TPO: variants seen among roughly 807,000 people sequenced by gnomAD.
TPO encodes thyroid peroxidase.
Under a neutral mutation model 96.9 loss-of-function variants are expected in TPO, and 78 were observed. The ratio of observed to expected loss-of-function variants is 0.81; its 90% CI spans 0.67 to 0.97. The LOEUF is 0.97. Among genes scored for constraint, TPO ranks in the 50% least tolerant of loss-of-function variants. The pLI, the probability that TPO is intolerant of heterozygous loss-of-function variation, is 0.00. For missense variants in TPO, 1,252 were observed against 1,274.8 expected, an observed-to-expected ratio of 0.98 and a Z score of 0.27; for synonymous variants, 547 against 538.0, an observed-to-expected ratio of 1.02 and a Z score of -0.23.
chr2:1,438,792 T>C (rs1558286197), intron 5 of TPO: 2 of 700,686 alleles, frequency 2.9e-6, no homozygotes, highest in Admixed American at 4.4e-5. Context: ...TTTTTTTTTT[T>C]TTTTGCAAAT....
intron 14 of TPO, among the ~76,000 whole-genome samples, chr2:1,516,122 A>G (rs921871590): frequency 2.6e-5 from 4 of 152,130 alleles, no homozygotes; most frequent in Non-Finnish European, 5.9e-5. Context: ...GCCGTTACTC[A>G]GTCCCCGGCT....
At chr2:1,532,216 C>A (rs1235247275) in intron 15 of TPO, among the ~76,000 whole-genome samples, 2 of 76,020 alleles carry the variant, frequency 2.6e-5, no homozygotes, top group African/African-American at 9.7e-5. Flanking sequence ...CTGTGAGCAA[C>A]CTCCTCAAAT....
In TPO at chr2:1,477,278, A is replaced by T; in HGVS notation, c.1012A>T (p.Arg338Trp). ...TVYGSSPALERQLRNWTSAEG... is the reference protein window; with the variant it reads ...TVYGSSPALEWQLRNWTSAEG... Reference sequence around the variant, plus strand: ...GTATGGCAGCTCCCCGGCCCTAGAGAGGCAGCTGCGGAACTGGACCAGTGC... The same window carrying T: ...GTATGGCAGCTCCCCGGCCCTAGAGTGGCAGCTGCGGAACTGGACCAGTGC... Residue 338 changes from arginine (R) to tryptophan (W), a missense_variant, in exon 8 of 17, where the codon AGG (arginine) becomes TGG (tryptophan). Coordinates refer to ENST00000329066, the MANE Select transcript of TPO (RefSeq NM_001206744.2). 6.3e-7 allele frequency: 1 copy of T among 1,599,270 alleles called. No homozygotes were observed. Among genetic ancestry groups the T allele is most frequent in the Non-Finnish European group, 8.5e-7 (1 of 1,174,446 alleles).
intron 14 of TPO, among the ~76,000 whole-genome samples, chr2:1,509,351 C>T (rs1404619752): frequency 2.0e-5 from 3 of 151,898 alleles, no homozygotes; most frequent in African/African-American, 4.8e-5. Flanking sequence ...ACCACACCCT[C>T]TTGTATCGGG....
At chr2:1,458,888 T>A (rs1460591131) in intron 7 of TPO, among the ~76,000 whole-genome samples, 1 of 152,190 alleles carries the variant, frequency 6.6e-6, no homozygotes, top group African/African-American at 2.4e-5. Flanking sequence ...TCTGCTTCAT[T>A]GCTGTTTTTA....
Position 1,477,611 on chromosome 2 carries a change from G to A in TPO, c.1338+7G>A, listed in dbSNP as rs769501358. The A allele has an allele frequency of 2.8e-5, 42 of 1,510,180 alleles. No homozygotes were observed. The highest frequency in any genetic ancestry group is 3.4e-5 in the Non-Finnish European group (39 of 1,135,382). 93.5% of individuals were successfully genotyped at this position (1,510,180 alleles called of 1,614,324 possible). ...CGTGGGCGCTCTGCACCAGGTGCGCGGGGTGGTCCTGGGCGCCCTGGGTGG... is the reference window on the plus strand; with the variant it reads ...CGTGGGCGCTCTGCACCAGGTGCGCAGGGTGGTCCTGGGCGCCCTGGGTGG... On this transcript the variant is annotated splice_region_variant and intron_variant, in intron 8 of 16. Transcript: ENST00000329066.
chr2:1,459,866 C>T (rs1211439534), intron 7 of TPO, among the ~76,000 whole-genome samples: 1 of 152,110 alleles, frequency 6.6e-6, no homozygotes, highest in Non-Finnish European at 1.5e-5. Flanking sequence ...CCTTGCTCTT[C>T]TCTGCAGAGC....
intron 15 of TPO, among the ~76,000 whole-genome samples, chr2:1,523,186 C>A (rs1675565685): frequency 2.5e-5 from 3 of 119,124 alleles, no homozygotes; most frequent in Non-Finnish European, 5.2e-5. Context: ...CTCCTCAAAT[C>A]CCCCCAACTG....
chr2:1,438,804 C>T (rs1469951518), intron 5 of TPO: 4 of 697,752 alleles, frequency 5.7e-6, no homozygotes, highest in East Asian at 2.7e-5. Context: ...TTTGCAAATG[C>T]CTGGATTAAA....
chr2:1,432,075 G>A (rs994303496), intron 3 of TPO, among the ~76,000 whole-genome samples: 6 of 152,250 alleles, frequency 3.9e-5, no homozygotes, highest in African/African-American at 7.2e-5. Context: ...GAGAGGCCCC[G>A]CCCTGCAGGC....
intron 7 of TPO, among the ~76,000 whole-genome samples, chr2:1,459,074 A>G (rs1668151917): frequency 6.6e-6 from 1 of 152,160 alleles, no homozygotes; most frequent in Non-Finnish European, 1.5e-5. Context: ...CACTCTTACC[A>G]GAAAAGAAAG....
intron 14 of TPO, among the ~76,000 whole-genome samples, chr2:1,505,492 G>A: frequency 3.5e-5 from 1 of 28,890 alleles, no homozygotes; most frequent in African/African-American, 2.0e-4. Context: ...CCCACCCCGT[G>A]TCAGGCACAC....
chr2:1,495,810 C>T (rs568846253), intron 11 of TPO, among the ~76,000 whole-genome samples, 179 bp from the exon 12 acceptor site: 23 of 152,246 alleles, frequency 1.5e-4, no homozygotes, highest in African/African-American at 5.1e-4. Context: ...TCTGGGCAGA[C>T]GCCACAGGGT....
intron 5 of TPO, among the ~76,000 whole-genome samples, chr2:1,445,919 A>G (rs898998751): frequency 6.6e-6 from 1 of 152,096 alleles, no homozygotes. Flanking sequence ...TCCTGTTTGT[A>G]TGATCCCGTC....
intron 14 of TPO, among the ~76,000 whole-genome samples, chr2:1,515,296 A>G (rs543405970): frequency 6.6e-6 from 1 of 152,320 alleles, no homozygotes; most frequent in Admixed American, 6.5e-5. Context: ...GAGGAGCGGC[A>G]TCCCAGGGCC....
chr2:1,441,132 C>T (rs1190354042), intron 5 of TPO, among the ~76,000 whole-genome samples: 1 of 142,248 alleles, frequency 7.0e-6, no homozygotes. Flanking sequence ...AGGCTCCTTC[C>T]TGTTTGCATG....
chr2:1,443,681 C>T lies in TPO; in HGVS notation c.482+7297C>T, dbSNP rs1298638198. On this transcript the variant is annotated intron_variant, in intron 5 of 16. Transcript: ENST00000329066. The stretch of plus-strand genomic sequence containing the variant: ...GATCCAGTCACTGCTGCAGGAGGCA[C>T]CTTGTTGGAAGGGAATGGAGCTGGC... Among the ~76,000 whole-genome samples the T allele has an allele frequency of 1.4e-4, 18 of 124,796 alleles. 2 individuals are homozygous for T. Among genetic ancestry groups the T allele is most frequent in the African/African-American group, 4.5e-4 (14 of 31,240 alleles). The allele number at this position is 124,796 out of a possible 152,430, so 81.9% of individuals were successfully genotyped here. A position where few individuals can be genotyped will look rare whatever the true frequency, so the allele number is the denominator to read the frequency against.
rs563454173 is a variant in TPO, at chr2:1,454,585, G to A, written c.612+762G>A. 5.3e-5 allele frequency among the ~76,000 whole-genome samples: 8 copies of A among 152,248 alleles called. No homozygotes were observed. The East Asian group carries it at 7.7e-4, about 15-fold the overall frequency. ...AGCTGGAGGCTGTGTCACTGAAGACGGCTCGGTGCTCCCAGCAGCAGGGAC... is the reference window on the plus strand; with the variant it reads ...AGCTGGAGGCTGTGTCACTGAAGACAGCTCGGTGCTCCCAGCAGCAGGGAC... On this transcript the variant is annotated intron_variant, in intron 6 of 16. Transcript: ENST00000329066.
intron 8 of TPO, among the ~76,000 whole-genome samples, chr2:1,481,347 C>T (rs1670623093): frequency 1.3e-5 from 2 of 152,212 alleles, no homozygotes; most frequent in Non-Finnish European, 2.9e-5. Flanking sequence ...GGTGTGCCAT[C>T]CAGGCAGCAT....
Sources: allele counts gnomAD v4.1 joint callset (sites outside exome capture counted in the v4.1 genomes callset), GRCh38; gene constraint gnomAD v4.1.1; transcripts MANE v1.5; gene names NCBI Gene and HGNC (gene_info 2026-07-23, HGNC 2026-07-21).